Variants in ALDH1L2 observed in about 807,000 individuals in gnomAD.
The protein encoded by ALDH1L2 is aldehyde dehydrogenase 1 family member L2.
In ALDH1L2, 91 loss-of-function variants were observed where a neutral mutation model predicts 111.0. The observed-to-expected ratio is 0.82, with a 90% CI of 0.69 to 0.98. ALDH1L2 has a LOEUF of 0.98. ALDH1L2 is among the 50% of genes least tolerant of loss of function. The probability of loss-of-function intolerance (pLI) is 0.00; values close to 1 mark genes in which losing one functional copy is unlikely to be tolerated. For missense variants in ALDH1L2, 995 were observed against 1,126.8 expected (o/e 0.88, Z 1.67); for synonymous variants, 374 against 392.6 (o/e 0.95, Z 0.56).
chr12:105,058,226 A>G lies in ALDH1L2; in HGVS notation c.1140-6T>C, dbSNP rs1876762131. The G allele has an allele frequency of 1.3e-6, 2 of 1,594,232 alleles. No individual in the cohort carries two copies. Among genetic ancestry groups the G allele is most frequent in the South Asian group, 2.3e-5 (2 of 86,984 alleles). Reference sequence around the variant, plus strand: ...GTCTGATCTCTTCAACCAGCCTTAAAGTAAAAACCAGCTTCGCGTTACTTA... The same window carrying G: ...GTCTGATCTCTTCAACCAGCCTTAAGGTAAAAACCAGCTTCGCGTTACTTA... On this transcript the variant is annotated splice_polypyrimidine_tract_variant and splice_region_variant and intron_variant, in intron 9 of 22. Coordinates refer to ENST00000258494, the MANE Select transcript of ALDH1L2 (RefSeq NM_001034173.4).
At chr12:105,082,765 T>C (rs1278614196) in intron 1 of ALDH1L2, among the ~76,000 whole-genome samples, 1 of 152,246 alleles carries the variant, frequency 6.6e-6, no homozygotes, top group African/African-American at 2.4e-5. Flanking sequence ...TTTAACTACA[T>C]ATAAAACTGC....
intron 15 of ALDH1L2, among the ~76,000 whole-genome samples, chr12:105,043,488 T>G (rs563741834): frequency 6.6e-6 from 1 of 152,284 alleles, no homozygotes; most frequent in East Asian, 1.9e-4. Flanking sequence ...CCCAAAATAT[T>G]TGAAGTTATC....
chr12:105,084,376 G>A lies in ALDH1L2; in HGVS notation c.48+13C>T. ...AGGGTGACAGCCGGGACGCTCGCCC[G>A]GGCCGGACTCACCCGGCCAGTGGAG... On this transcript the variant is annotated intron_variant, in intron 1 of 22. Transcript: ENST00000258494. 7.1e-7 allele frequency: 1 copy of A among 1,406,922 alleles called. No homozygotes were observed. The highest frequency in any genetic ancestry group is 1.3e-5 in the South Asian group (1 of 79,482). 87.2% of individuals were successfully genotyped at this position (1,406,922 alleles called of 1,614,324 possible). A position where few individuals can be genotyped will look rare whatever the true frequency, so the allele number is the denominator to read the frequency against.
Position 105,073,909 on chromosome 12 carries a change from C to G in ALDH1L2, c.145G>C (p.Val49Leu). ...TTGTCTGGAACTGTGAACACCCCTA[C>G]TACTCGGTGGCCCTCTTTGCGGAGG... ...SHLRKEGHRV[V>L]GVFTVPDKDG... Residue 49 changes from valine to leucine, a missense_variant, in exon 2 of 23, where the codon GTA becomes CTA. Val to Leu is a conservative substitution (Grantham distance 32). Transcript: ENST00000258494. 6.2e-7 allele frequency: 1 copy of G among 1,614,190 alleles called. No individual in the cohort carries two copies.
In ALDH1L2 at chr12:105,035,903, GTA is replaced by G. The variant is rs552678157; in HGVS notation, c.2146-1507_2146-1506del. Among the ~76,000 whole-genome samples, 239 of 114,308 alleles carry G rather than the reference GTA, an allele frequency of 2.1e-3. 48 individuals carry two copies. The highest frequency in any genetic ancestry group is 8.9e-3 in the African/African-American group (228 of 25,594). 75.0% of individuals were successfully genotyped at this position (114,308 alleles called of 152,430 possible). Reference sequence around the variant, plus strand: ...CATATATATACGTATATTTATATGTGTATATATATTATATATATACATATATT... The same window carrying G: ...CATATATATACGTATATTTATATGTGTATATATTATATATATACATATATT... On this transcript the variant is annotated intron_variant, in intron 18 of 22. Coordinates refer to ENST00000258494, the MANE Select transcript of ALDH1L2 (RefSeq NM_001034173.4).
chr12:105,038,625 A>C (rs1419184263), intron 17 of ALDH1L2, among the ~76,000 whole-genome samples: 1 of 152,150 alleles, frequency 6.6e-6, no homozygotes, highest in Non-Finnish European at 1.5e-5. Context: ...TGTGATCACC[A>C]CTGCACTCCA....
chr12:105,077,526 G>T (rs1371379848), intron 1 of ALDH1L2, among the ~76,000 whole-genome samples: 2 of 151,200 alleles, frequency 1.3e-5, no homozygotes, highest in Non-Finnish European at 2.9e-5. Context: ...CACTCCACCC[G>T]CCTTGGCATC....
At chr12:105,037,774 T>TC (rs1481068044) in intron 18 of ALDH1L2, among the ~76,000 whole-genome samples, 4 of 151,636 alleles carry the variant, frequency 2.6e-5, no homozygotes, top group Non-Finnish European at 5.9e-5. Context: ...TTTTTTCTTT[T>TC]TTTTTTTTGA....
At chr12:105,063,772 G>T (rs2136094560) in intron 6 of ALDH1L2, among the ~76,000 whole-genome samples, 1 of 152,184 alleles carries the variant, frequency 6.6e-6, no homozygotes, top group Non-Finnish European at 1.5e-5. Flanking sequence ...AGGGTGCTTT[G>T]TGAGTCAGTT....
chr12:105,084,219 G>T (rs1390819056), intron 1 of ALDH1L2, among the ~76,000 whole-genome samples, 170 bp downstream of exon 1: 5 of 152,126 alleles, frequency 3.3e-5, no homozygotes, highest in African/African-American at 1.2e-4. Flanking sequence ...CCTCCTCTGA[G>T]GTCTCTCTGT....
In ALDH1L2 at chr12:105,058,133, G is replaced by A. The variant is rs917973793; in HGVS notation, c.1227C>T (p.Ile409=). ...CTCTCAGTTTCCTCACGACCTTTTG[G>A]ATAAAGCCTTCAAACTTGGTGGCCA... ...VYMATKFEGF[I]QKVVRKLRGE... is the part of the protein sequence containing the mutation. The change falls in exon 10 of 23, where the codon ATC becomes ATT. Residue 409 remains isoleucine (I), a synonymous_variant. Coordinates refer to ENST00000258494, the MANE Select transcript of ALDH1L2 (RefSeq NM_001034173.4). The A allele has an allele frequency of 3.1e-6, 5 of 1,613,478 alleles. No individual in the cohort carries two copies. The African/African-American group carries it at 5.3e-5, about 17-fold the overall frequency.
chr12:105,029,939 A>G (rs1874613663), intron 21 of ALDH1L2: 1 of 153,838 alleles, frequency 6.5e-6, no homozygotes, highest in African/African-American at 2.4e-5. Context: ...GGGGGGCAAT[A>G]TCCCCTATAA....
At chr12:105,051,324 T>G (rs980142706) in intron 12 of ALDH1L2, among the ~76,000 whole-genome samples, 1 of 152,114 alleles carries the variant, frequency 6.6e-6, no homozygotes, top group Non-Finnish European at 1.5e-5. Flanking sequence ...ATTGGTGAAC[T>G]GAAGGAAAAA....
At chr12:105,061,459 A>T (rs1876998698) in intron 8 of ALDH1L2, among the ~76,000 whole-genome samples, 168 bp downstream of exon 8, 2 of 152,184 alleles carry the variant, frequency 1.3e-5, no homozygotes, top group Admixed American at 1.3e-4. Context: ...CAGTTTGTAT[A>T]TACTGTGTTT....
At chr12:105,045,620 A>G (rs1433688278) in intron 15 of ALDH1L2, among the ~76,000 whole-genome samples, 1 of 152,154 alleles carries the variant, frequency 6.6e-6, no homozygotes, top group African/African-American at 2.4e-5. Context: ...GAATAATGAT[A>G]GAAGGGAGAC....
chr12:105,049,846 C>T (rs1309232296), intron 13 of ALDH1L2, 62 bp downstream of exon 13: 12 of 1,525,026 alleles, frequency 7.9e-6, no homozygotes, highest in African/African-American at 1.4e-5. Context: ...GACACAGTGC[C>T]TGGTACAAAC....
chr12:105,030,166 G>A, intron 21 of ALDH1L2, 158 bp downstream of exon 21: 1 of 479,792 alleles, frequency 2.1e-6, no homozygotes, highest in Non-Finnish European at 3.4e-6. Context: ...ATCTACGATG[G>A]TTAGCAAAAG....
intron 22 of ALDH1L2, 151 bp downstream of exon 22, chr12:105,026,394 A>C: frequency 1.3e-6 from 1 of 748,126 alleles, no homozygotes; most frequent in Non-Finnish European, 2.1e-6. Flanking sequence ...GAAATGTTTA[A>C]TATTTTAAAA....
intron 9 of ALDH1L2, among the ~76,000 whole-genome samples, chr12:105,059,548 G>A (rs1160987700): frequency 1.3e-5 from 2 of 152,112 alleles, no homozygotes; most frequent in African/African-American, 2.4e-5. Flanking sequence ...AGAAGTTTCT[G>A]GGAACTCATG....
Sources: gnomAD v4.1 joint callset for allele counts (sites outside exome capture counted in the v4.1 genomes callset) on GRCh38, gnomAD v4.1.1 for gene constraint, MANE v1.5 for transcripts, NCBI Gene and HGNC (gene_info 2026-07-23, HGNC 2026-07-21) for gene names.